UTRN: variants seen among roughly 807,000 people sequenced by gnomAD.
The protein encoded by UTRN is dystrophin-related protein 1.
A neutral mutation model predicts 463.9 loss-of-function variants in UTRN; 283 were observed. The observed-to-expected ratio is 0.61, with a 90% CI of 0.55 to 0.67. The LOEUF (loss-of-function observed/expected upper bound fraction) is 0.67, where lower values mean the gene tolerates loss of function less well. UTRN is among the 30% of genes least tolerant of loss of function. The pLI is 0.00. For missense variants in UTRN, 3,922 were observed against 4,084.3 expected (o/e 0.96, Z 1.08); for synonymous variants, 1,442 against 1,431.5 (o/e 1.01, Z -0.17).
At chr6:144,738,218 T>A (rs902331622) in intron 54 of UTRN, among the ~76,000 whole-genome samples, 5 of 152,198 alleles carry the variant, frequency 3.3e-5, no homozygotes, top group Non-Finnish European at 7.4e-5. Flanking sequence ...TTGATCTCAA[T>A]GTCTAGAGCC....
intron 19 of UTRN, among the ~76,000 whole-genome samples, chr6:144,457,439 G>T (rs1788966964): frequency 6.6e-6 from 1 of 152,168 alleles, no homozygotes; most frequent in Non-Finnish European, 1.5e-5. Flanking sequence ...TAAAGATGAT[G>T]TGGCTGGTGT....
chr6:144,488,789 C>G lies in UTRN; in HGVS notation c.4089C>G (p.Tyr1363Ter), dbSNP rs1792735649. 6.2e-7 allele frequency: 1 copy of G among 1,609,846 alleles called. No individual in the cohort carries two copies. The highest frequency in any genetic ancestry group is 8.5e-7 in the Non-Finnish European group (1 of 1,177,554). Residue 1363 changes from tyrosine to a stop codon, truncating the protein, a stop_gained, in exon 30 of 75, where the codon TAC becomes TAG. Transcript: ENST00000367545. LOFTEE classifies it high-confidence loss of function. Reference sequence around the variant, plus strand: ...AGCTGGACAAACAGCTCACCACATACCTGACTGACAGGATAGATGCTTTCC... The same window carrying G: ...AGCTGGACAAACAGCTCACCACATAGCTGACTGACAGGATAGATGCTTTCC... ...LGELDKQLTTYLTDRIDAFQV... is the reference protein window; with the variant it reads ...LGELDKQLTT
intron 2 of UTRN, among the ~76,000 whole-genome samples, chr6:144,365,453 A>G (rs569245917): frequency 3.9e-5 from 6 of 152,354 alleles, no homozygotes; most frequent in African/African-American, 1.4e-4. Flanking sequence ...AAGCATGTAC[A>G]TAAACCACTT....
At chr6:144,498,278 A>G (rs1289434282) in intron 33 of UTRN, among the ~76,000 whole-genome samples, 1 of 152,206 alleles carries the variant, frequency 6.6e-6, no homozygotes, top group African/African-American at 2.4e-5. Flanking sequence ...CATTTTCATT[A>G]TCCATAAAGT....
intron 65 of UTRN, among the ~76,000 whole-genome samples, chr6:144,805,668 G>A (rs563289770): frequency 3.3e-5 from 5 of 152,208 alleles, no homozygotes; most frequent in African/African-American, 7.2e-5. Context: ...TAAGACTTCC[G>A]AGTTGGCAAC....
chr6:144,458,726 T>G (rs1041875531), intron 19 of UTRN, 44 bp from the exon 20 acceptor site: 1 of 1,518,994 alleles, frequency 6.6e-7, no homozygotes, highest in Non-Finnish European at 8.8e-7. Context: ...CAAGACACAT[T>G]TTGTAATATA....
chr6:144,294,234 C>T (rs1804492592), intron 2 of UTRN, among the ~76,000 whole-genome samples: 1 of 152,032 alleles, frequency 6.6e-6, no homozygotes, highest in Non-Finnish European at 1.5e-5. Context: ...TTAGTTGTTA[C>T]ATAGCTCAGA....
At chr6:144,752,666 A>G (rs1430674690) in intron 56 of UTRN, among the ~76,000 whole-genome samples, 2 of 152,216 alleles carry the variant, frequency 1.3e-5, no homozygotes, top group Non-Finnish European at 2.9e-5. Context: ...TAGGATTAGT[A>G]AAGCAAAATC....
intron 2 of UTRN, among the ~76,000 whole-genome samples, chr6:144,319,218 G>A (rs1402399748): frequency 6.6e-6 from 1 of 151,362 alleles, no homozygotes; most frequent in Admixed American, 6.6e-5. Context: ...TAATGTTGTG[G>A]CCCAGGGTAG....
At chr6:144,843,587 A>G (rs1489226665) in intron 73 of UTRN, among the ~76,000 whole-genome samples, 1 of 152,160 alleles carries the variant, frequency 6.6e-6, no homozygotes, top group Admixed American at 6.5e-5. Context: ...GTTCATTGAT[A>G]TTGGTTTCTG....
At chr6:144,510,046 G>A (rs1166463843) in intron 34 of UTRN, among the ~76,000 whole-genome samples, 2 of 152,148 alleles carry the variant, frequency 1.3e-5, no homozygotes, top group African/African-American at 4.8e-5. Context: ...GGCCAAGTGA[G>A]TGTTTAAACC....
At chr6:144,662,674 A>G (rs929439633) in intron 51 of UTRN, among the ~76,000 whole-genome samples, 22 of 152,352 alleles carry the variant, frequency 1.4e-4, no homozygotes, top group Admixed American at 1.2e-3. Context: ...TTGGACTAGT[A>G]GACTCAAATC....
chr6:144,839,060 A>T, intron 71 of UTRN, 113 bp from the exon 72 acceptor site: 21 of 689,950 alleles, frequency 3.0e-5, no homozygotes, highest in Non-Finnish European at 4.5e-5. Flanking sequence ...GAAGGCAAAG[A>T]CTTCTATATG....
chr6:144,590,870 A>ACG (rs1169509875), intron 51 of UTRN, among the ~76,000 whole-genome samples: 4 of 125,818 alleles, frequency 3.2e-5, no homozygotes, highest in African/African-American at 1.5e-4. Flanking sequence ...ACACACACAC[A>ACG]CACACGCACA....
chr6:144,794,550 T>G (rs1490324902), intron 63 of UTRN, among the ~76,000 whole-genome samples: 2 of 152,242 alleles, frequency 1.3e-5, no homozygotes, highest in African/African-American at 4.8e-5. Context: ...AGTGCAATTA[T>G]AATTACACAC....
intron 2 of UTRN, among the ~76,000 whole-genome samples, chr6:144,322,974 C>T (rs1296098796): frequency 6.6e-6 from 1 of 151,684 alleles, no homozygotes; most frequent in African/African-American, 2.4e-5. Context: ...TTTCATGGGC[C>T]ATTGGAAGTC....
At chr6:144,740,637 A>G (rs1003975116) in intron 54 of UTRN, among the ~76,000 whole-genome samples, 2 of 152,242 alleles carry the variant, frequency 1.3e-5, no homozygotes, top group Non-Finnish European at 2.9e-5. Flanking sequence ...GTGATTTTTC[A>G]CAAATTAAAG....
At chr6:144,766,154 T>A (rs778065822) in intron 58 of UTRN, among the ~76,000 whole-genome samples, 2 of 151,918 alleles carry the variant, frequency 1.3e-5, no homozygotes, top group African/African-American at 4.8e-5. Flanking sequence ...CACAAGCACG[T>A]GCACAGAGTG....
intron 46 of UTRN, among the ~76,000 whole-genome samples, chr6:144,545,504 C>T (rs1056453271): frequency 1.6e-4 from 25 of 152,318 alleles, no homozygotes; most frequent in South Asian, 6.2e-4. Context: ...ATGCCAAGAA[C>T]GTAATCATTT....
Sources: gnomAD v4.1 joint callset for allele counts (sites outside exome capture counted in the v4.1 genomes callset) on GRCh38, gnomAD v4.1.1 for gene constraint, MANE v1.5 for transcripts, NCBI Gene and HGNC (gene_info 2026-07-23, HGNC 2026-07-21) for gene names.